CCBE1: variants seen among roughly 807,000 people sequenced by gnomAD.
CCBE1 encodes collagen and calcium-binding EGF domain-containing protein 1.
Under a neutral mutation model 50.0 loss-of-function variants are expected in CCBE1, and 37 were observed. The observed-to-expected ratio is 0.74, with a 90% CI of 0.57 to 0.97. CCBE1 has a LOEUF of 0.97. Among genes scored for constraint, CCBE1 ranks in the 50% least tolerant of loss-of-function variants. The pLI is 0.00. For missense variants in CCBE1, 538 were observed against 523.8 expected, an observed-to-expected ratio of 1.03 and a Z score of -0.26; for synonymous variants, 234 against 203.7, an observed-to-expected ratio of 1.15 and a Z score of -1.27.
intron 2 of CCBE1, among the ~76,000 whole-genome samples, chr18:59,490,559 G>A (rs923815536): frequency 5.9e-5 from 9 of 152,194 alleles, no homozygotes; most frequent in Non-Finnish European, 1.3e-4. Context: ...AACTGGGTAA[G>A]GAATGATGTT....
At chr18:59,506,424 T>A (rs545143876) in intron 2 of CCBE1, among the ~76,000 whole-genome samples, 1 of 152,274 alleles carries the variant, frequency 6.6e-6, no homozygotes, top group East Asian at 1.9e-4. Context: ...GGCCATTTGT[T>A]ATAGAAGCCC....
intron 5 of CCBE1, 156 bp from the exon 6 acceptor site, chr18:59,455,107 C>T (rs1005579702): frequency 2.9e-6 from 2 of 701,316 alleles, no homozygotes; most frequent in East Asian, 2.7e-5. Context: ...TCAGGTCCTG[C>T]CAGCATGCCC....
At chr18:59,461,755 CAG>C (rs1360394586) in intron 5 of CCBE1, among the ~76,000 whole-genome samples, 1 of 82,448 alleles carries the variant, frequency 1.2e-5, no homozygotes, top group African/African-American at 5.5e-5. Context: ...TTTTTTGAGA[CAG>C]AGTTTCGCCC....
chr18:59,466,658 A>T (rs1014364154), intron 5 of CCBE1, 81 bp downstream of exon 5: 18 of 820,386 alleles, frequency 2.2e-5, no homozygotes, highest in Non-Finnish European at 2.9e-5. Flanking sequence ...TATCTATATA[A>T]TATATAAACC....
chr18:59,443,623 C>A (rs146100297), intron 7 of CCBE1, among the ~76,000 whole-genome samples: 2,123 of 138,466 alleles, frequency 0.015, 26 homozygotes, highest in South Asian at 0.025. Flanking sequence ...CCCACCACCA[C>A]CCCCGGCTAA....
At chr18:59,544,841 T>C (rs1384132158) in intron 2 of CCBE1, among the ~76,000 whole-genome samples, 1 of 152,198 alleles carries the variant, frequency 6.6e-6, no homozygotes, top group South Asian at 2.1e-4. Flanking sequence ...ATTTCTATAT[T>C]AGTGTTAGGG....
intron 2 of CCBE1, among the ~76,000 whole-genome samples, chr18:59,486,319 C>T (rs1390094290): frequency 5.3e-5 from 8 of 152,294 alleles, no homozygotes; most frequent in African/African-American, 1.9e-4. Flanking sequence ...TGACTCATCT[C>T]TTTCTTTCCA....
chr18:59,482,712 G>A (rs747851028), intron 2 of CCBE1, among the ~76,000 whole-genome samples: 1 of 151,892 alleles, frequency 6.6e-6, no homozygotes, highest in African/African-American at 2.4e-5. Context: ...ATTTCTGCTG[G>A]AGCTAATGTT....
At chr18:59,579,452 G>C (rs1014282225) in intron 2 of CCBE1, among the ~76,000 whole-genome samples, 11 of 151,654 alleles carry the variant, frequency 7.3e-5, no homozygotes, top group Non-Finnish European at 1.5e-4. Context: ...CTCATTCAGA[G>C]GTCCCGGTAT....
At chr18:59,657,448 GC>G (rs1458177850) in intron 2 of CCBE1, among the ~76,000 whole-genome samples, 4 of 152,250 alleles carry the variant, frequency 2.6e-5, no homozygotes, top group African/African-American at 9.6e-5. Context: ...AGGGCCCTAT[GC>G]AGTTTTCTTT....
At chr18:59,569,097 T>C (rs765386813) in intron 2 of CCBE1, among the ~76,000 whole-genome samples, 1 of 152,150 alleles carries the variant, frequency 6.6e-6, no homozygotes, top group Non-Finnish European at 1.5e-5. Context: ...TCGATTCCAC[T>C]CTCTCCTTTT....
intron 2 of CCBE1, among the ~76,000 whole-genome samples, chr18:59,555,418 G>A (rs2052641983): frequency 6.6e-6 from 1 of 152,158 alleles, no homozygotes; most frequent in Non-Finnish European, 1.5e-5. Flanking sequence ...CAGGTGTCAT[G>A]TTCCATCTCT....
chr18:59,566,422 G>C (rs574564133), intron 2 of CCBE1, among the ~76,000 whole-genome samples: 3 of 151,812 alleles, frequency 2.0e-5, no homozygotes, highest in African/African-American at 7.3e-5. Flanking sequence ...CTTTAGAAAA[G>C]CTATAAAATG....
intron 2 of CCBE1, among the ~76,000 whole-genome samples, chr18:59,607,056 G>C (rs1216829486): frequency 9.4e-6 from 1 of 106,462 alleles, no homozygotes; most frequent in Admixed American, 1.0e-4. Flanking sequence ...TGTTGAATTG[G>C]GAAAAAAAAA....
intron 2 of CCBE1, among the ~76,000 whole-genome samples, chr18:59,513,426 T>G (rs1051193605): frequency 1.3e-5 from 2 of 152,250 alleles, no homozygotes; most frequent in African/African-American, 4.8e-5. Flanking sequence ...GGTGTCTCTC[T>G]TGTCTGGCTG....
chr18:59,526,014 G>T (rs149669236), intron 2 of CCBE1, among the ~76,000 whole-genome samples: 3,025 of 152,214 alleles, frequency 0.02, 115 homozygotes, highest in African/African-American at 0.069. Flanking sequence ...TTTGAAGTTG[G>T]GTAGTGTGAT....
intron 2 of CCBE1, among the ~76,000 whole-genome samples, chr18:59,538,386 G>A (rs776286298): frequency 5.3e-5 from 8 of 152,196 alleles, no homozygotes; most frequent in Non-Finnish European, 1.0e-4. Context: ...AAACAGTTTT[G>A]TATCTATTAT....
intron 2 of CCBE1, among the ~76,000 whole-genome samples, chr18:59,693,567 C>T (rs1210743856): frequency 6.6e-6 from 1 of 152,164 alleles, no homozygotes; most frequent in African/African-American, 2.4e-5. Context: ...CTCTCTTCCC[C>T]ATCACTAATA....
At chr18:59,589,016 G>A (rs1454977252) in intron 2 of CCBE1, among the ~76,000 whole-genome samples, 2 of 152,210 alleles carry the variant, frequency 1.3e-5, no homozygotes, top group Admixed American at 6.5e-5. Context: ...ATCCCAGAGG[G>A]AGGATGTCCT....
Sources: allele counts gnomAD v4.1 joint callset (sites outside exome capture counted in the v4.1 genomes callset), GRCh38; gene constraint gnomAD v4.1.1; transcripts MANE v1.5; gene names NCBI Gene and HGNC (gene_info 2026-07-23, HGNC 2026-07-21).